Variants in GABRA3 observed in about 807,000 individuals in gnomAD.
GABRA3 encodes gamma-aminobutyric acid type A receptor subunit alpha3, also known as gamma-aminobutyric acid receptor subunit alpha-3.
A neutral mutation model predicts 30.1 loss-of-function variants in GABRA3; 10 were observed. The observed-to-expected ratio is 0.33, with a 90% CI of 0.20 to 0.56. The LOEUF (loss-of-function observed/expected upper bound fraction) is 0.56, where lower values mean the gene tolerates loss of function less well. Among genes scored for constraint, GABRA3 ranks in the 20% least tolerant of loss-of-function variants. GABRA3 has a pLI of 0.89. For synonymous variants in GABRA3, 151 were observed against 146.8 expected (o/e 1.03, Z -0.21); for missense variants, 233 against 392.0 (o/e 0.59, Z 3.42).
At chrX:152,449,857 T>C (rs1931179298) in intron 1 of GABRA3, among the ~76,000 whole-genome samples, 1 of 112,171 alleles carries the variant, frequency 8.9e-6, no homozygotes, top group South Asian at 3.7e-4. Flanking sequence ...TGTGCCTCAA[T>C]TTTGTGAGTA....
chrX:152,372,473 A>T (rs1928868215), intron 1 of GABRA3, among the ~76,000 whole-genome samples: 2 of 111,986 alleles, frequency 1.8e-5, no homozygotes, highest in South Asian at 7.4e-4. Flanking sequence ...TGGGATATAT[A>T]ACTACACAAA....
intron 1 of GABRA3, among the ~76,000 whole-genome samples, chrX:152,438,620 C>T (rs1448072791): frequency 8.9e-6 from 1 of 112,016 alleles, no homozygotes; most frequent in Non-Finnish European, 1.9e-5. Flanking sequence ...TCTATCCACA[C>T]AATTGAATAT....
At chrX:152,201,852 T>G (rs1937488631) in intron 7 of GABRA3, among the ~76,000 whole-genome samples, 2 of 111,620 alleles carry the variant, frequency 1.8e-5, no homozygotes, top group South Asian at 7.5e-4. Context: ...TTTTTCTTTA[T>G]GTCCTGTTTT....
chrX:152,300,927 G>C (rs1416475219), intron 3 of GABRA3, among the ~76,000 whole-genome samples: 2 of 111,594 alleles, frequency 1.8e-5, no homozygotes, highest in Non-Finnish European at 3.8e-5. Flanking sequence ...AAAAAGAGAA[G>C]AGAAAGAGAT....
intron 1 of GABRA3, among the ~76,000 whole-genome samples, chrX:152,445,529 C>CA (rs1315955281): frequency 9.0e-6 from 1 of 111,525 alleles, no homozygotes; most frequent in Non-Finnish European, 1.9e-5. Context: ...AGGTGCATTT[C>CA]AATGACCCCT....
intron 6 of GABRA3, among the ~76,000 whole-genome samples, chrX:152,220,675 C>T (rs1411282600): frequency 2.7e-5 from 3 of 111,726 alleles, no homozygotes; most frequent in African/African-American, 9.8e-5. Flanking sequence ...TTATCAGTAG[C>T]GCATGAGAGT....
intron 6 of GABRA3, among the ~76,000 whole-genome samples, chrX:152,212,680 G>C (rs150452614): frequency 2.2e-3 from 242 of 111,978 alleles, no homozygotes; most frequent in African/African-American, 7.2e-3. Flanking sequence ...GAGTGGGACA[G>C]AGCGATTTCA....
At chrX:152,291,430 C>T (rs1461555256) in intron 3 of GABRA3, among the ~76,000 whole-genome samples, 4 of 111,817 alleles carry the variant, frequency 3.6e-5, no homozygotes, top group Admixed American at 1.9e-4. Context: ...ATGGGGTCTT[C>T]TAAATATACA....
intron 9 of GABRA3, among the ~76,000 whole-genome samples, chrX:152,172,852 A>G (rs1218083803): frequency 9.0e-6 from 1 of 111,051 alleles, no homozygotes; most frequent in African/African-American, 3.3e-5. Context: ...TTGCAAGATG[A>G]AAAGGGTTCA....
chrX:152,419,754 C>A (rs1035769629), intron 1 of GABRA3, among the ~76,000 whole-genome samples: 4 of 111,198 alleles, frequency 3.6e-5, no homozygotes, highest in African/African-American at 1.3e-4. Context: ...TTTTTCATCC[C>A]AATTCATTTT....
intron 1 of GABRA3, among the ~76,000 whole-genome samples, chrX:152,425,060 T>A (rs1220795138): frequency 9.8e-6 from 1 of 102,238 alleles, no homozygotes; most frequent in Admixed American, 1.1e-4. Flanking sequence ...CACCTCTGCC[T>A]CCTGAGTAGC....
intron 3 of GABRA3, among the ~76,000 whole-genome samples, chrX:152,344,986 A>G (rs1287226797): frequency 8.9e-6 from 1 of 111,892 alleles, no homozygotes; most frequent in African/African-American, 3.2e-5. Flanking sequence ...TATTTACCTT[A>G]TTGTGATCAT....
intron 9 of GABRA3, among the ~76,000 whole-genome samples, chrX:152,182,176 T>A (rs1443465696): frequency 9.2e-6 from 1 of 109,239 alleles, no homozygotes; most frequent in East Asian, 2.9e-4. Context: ...TAATGTGGTG[T>A]AGCATATTTA....
chrX:152,356,596 T>C (rs187618888), intron 2 of GABRA3, among the ~76,000 whole-genome samples: 63 of 111,915 alleles, frequency 5.6e-4, no homozygotes, highest in African/African-American at 1.9e-3. Flanking sequence ...TTTTTTTCTT[T>C]ACAGCTTTAT....
intron 1 of GABRA3, among the ~76,000 whole-genome samples, chrX:152,412,892 G>A (rs904113220): frequency 9.0e-6 from 1 of 111,084 alleles, no homozygotes; most frequent in Non-Finnish European, 1.9e-5. Context: ...TGGAACATTT[G>A]CATAATGGGC....
intron 9 of GABRA3, among the ~76,000 whole-genome samples, chrX:152,178,453 T>C (rs1330084422): frequency 2.7e-5 from 3 of 111,639 alleles, no homozygotes; most frequent in Admixed American, 9.6e-5. Flanking sequence ...GAATGACCCA[T>C]AGACTTAAAA....
At chrX:152,269,817 T>C (rs188796955) in intron 4 of GABRA3, among the ~76,000 whole-genome samples, 218 of 111,848 alleles carry the variant, frequency 1.9e-3, no homozygotes, top group African/African-American at 6.8e-3. Flanking sequence ...TCGTCCCCTA[T>C]CTCTCATCAC....
At chrX:152,313,737 C>T (rs773109441) in intron 3 of GABRA3, among the ~76,000 whole-genome samples, 1 of 112,009 alleles carries the variant, frequency 8.9e-6, no homozygotes, top group Non-Finnish European at 1.9e-5. Context: ...CATCCTTTCC[C>T]CTTCAGATAT....
intron 5 of GABRA3, among the ~76,000 whole-genome samples, chrX:152,240,425 A>C (rs1938335811): frequency 1.1e-5 from 1 of 88,147 alleles, no homozygotes; most frequent in Admixed American, 1.3e-4. Flanking sequence ...GCTGCCCTTA[A>C]CATTTTTTCC....
Sources: allele counts gnomAD v4.1 joint callset (sites outside exome capture counted in the v4.1 genomes callset), GRCh38; gene constraint gnomAD v4.1.1; transcripts MANE v1.5; gene names NCBI Gene and HGNC (gene_info 2026-07-23, HGNC 2026-07-21).